Variants in DNAI7 observed in about 807,000 individuals in gnomAD.
DNAI7 encodes dynein axonemal intermediate chain 7.
DNAI7 carries 78 observed loss-of-function variants against 86.6 expected under a neutral mutation model. The observed-to-expected ratio is 0.90, with a 90% CI of 0.75 to 1.09. DNAI7 has a LOEUF of 1.09. Among genes scored for constraint, DNAI7 ranks in the 50% least tolerant of loss-of-function variants. The probability of loss-of-function intolerance (pLI) is 0.00; values close to 1 mark genes in which losing one functional copy is unlikely to be tolerated. For synonymous variants in DNAI7, 274 were observed against 273.0 expected (o/e 1.00, Z -0.04); for missense variants, 753 against 810.2 (o/e 0.93, Z 0.86).
downstream of DNAI7, chr12:25,107,710 G>A: frequency 9.4e-7 from 1 of 1,066,028 alleles, no homozygotes; most frequent in Non-Finnish European, 1.4e-6. Flanking sequence ...TTAAAAGGCA[G>A]TTTTGGGGGT....
chr12:25,150,553 G>A (rs1051511237), intron 6 of DNAI7, among the ~76,000 whole-genome samples: 17 of 138,330 alleles, frequency 1.2e-4, no homozygotes, highest in East Asian at 4.1e-4. Flanking sequence ...GCAGTGAGCC[G>A]AGATTGCACC....
chr12:25,173,098 T>C (rs1948315282), intron 2 of DNAI7, among the ~76,000 whole-genome samples: 1 of 151,914 alleles, frequency 6.6e-6, no homozygotes, highest in African/African-American at 2.4e-5. Flanking sequence ...CAAAGATAAA[T>C]AGCTGGGACC....
At chr12:25,110,746 C>T (rs957275829) in intron 14 of DNAI7, among the ~76,000 whole-genome samples, 15 of 152,166 alleles carry the variant, frequency 9.9e-5, no homozygotes, top group African/African-American at 3.1e-4. Context: ...CTCACTATTC[C>T]GGATCTACCT....
chr12:25,191,237 A>AC (rs1335513289), intron 1 of DNAI7, among the ~76,000 whole-genome samples: 6 of 152,044 alleles, frequency 3.9e-5, no homozygotes, highest in Admixed American at 3.9e-4. Context: ...ACACAGGAAG[A>AC]CCCCGTCTCT....
intron 1 of DNAI7, 71 bp downstream of exon 1, chr12:25,195,005 C>T (rs767725405): frequency 6.2e-7 from 1 of 1,614,192 alleles, no homozygotes. Context: ...CTCTTGATTA[C>T]ATTATTTAAC....
intron 2 of DNAI7, among the ~76,000 whole-genome samples, chr12:25,186,560 C>T (rs1462399701): frequency 1.3e-5 from 2 of 152,146 alleles, no homozygotes; most frequent in Non-Finnish European, 2.9e-5. Context: ...CTTCTAATGA[C>T]ACATTTCACC....
intron 7 of DNAI7, among the ~76,000 whole-genome samples, chr12:25,148,381 G>C (rs1434174070): frequency 1.3e-5 from 2 of 152,168 alleles, no homozygotes; most frequent in Non-Finnish European, 2.9e-5. Context: ...ATATGAACTT[G>C]ATCGCTTGCT....
At chr12:25,158,295 C>T (rs1301050662) in intron 4 of DNAI7, among the ~76,000 whole-genome samples, 177 bp downstream of exon 4, 1 of 151,896 alleles carries the variant, frequency 6.6e-6, no homozygotes, top group Non-Finnish European at 1.5e-5. Context: ...TTTCTCTATG[C>T]CTCAATTTCC....
chr12:25,128,856 C>A (rs1165364478), intron 9 of DNAI7, among the ~76,000 whole-genome samples: 1 of 152,172 alleles, frequency 6.6e-6, no homozygotes, highest in African/African-American at 2.4e-5. Flanking sequence ...GTTCTCCATA[C>A]AGTAGCCAGA....
chr12:25,175,168 C>T (rs1001415101), intron 2 of DNAI7, among the ~76,000 whole-genome samples: 8 of 151,916 alleles, frequency 5.3e-5, no homozygotes, highest in Admixed American at 3.3e-4. Flanking sequence ...TCCAGAATTC[C>T]CACAACTATT....
At chr12:25,140,405 C>A (rs904326471) in intron 9 of DNAI7, among the ~76,000 whole-genome samples, 17 of 151,948 alleles carry the variant, frequency 1.1e-4, no homozygotes, top group Non-Finnish European at 8.8e-5. Context: ...CCAACAGTGA[C>A]CAAGCTGAGA....
At chr12:25,175,537 G>C (rs1948866053) in intron 2 of DNAI7, among the ~76,000 whole-genome samples, 1 of 151,838 alleles carries the variant, frequency 6.6e-6, no homozygotes. Context: ...TAGTAGAGAT[G>C]AGGTTTTACC....
intron 9 of DNAI7, among the ~76,000 whole-genome samples, chr12:25,124,780 A>G (rs1941873269): frequency 6.6e-6 from 1 of 151,406 alleles, no homozygotes; most frequent in African/African-American, 2.4e-5. Context: ...CCCACCCTCT[A>G]CTCCTAAGTA....
At chr12:25,127,017 A>C (rs4963852) in intron 9 of DNAI7, among the ~76,000 whole-genome samples, 17,624 of 152,228 alleles carry the variant, frequency 0.12, 1,368 homozygotes, top group Admixed American at 0.16. Flanking sequence ...ACCACATCAT[A>C]AAGAGGATAT....
At chr12:25,162,855 C>T (rs11047870) in intron 2 of DNAI7, among the ~76,000 whole-genome samples, 45,171 of 152,104 alleles carry the variant, frequency 0.3, 7,391 homozygotes, top group Non-Finnish European at 0.36. Context: ...GCTAGCAATA[C>T]GAGCAGCTGA....
chr12:25,131,145 G>C (rs1336462535), intron 9 of DNAI7, among the ~76,000 whole-genome samples: 1 of 123,032 alleles, frequency 8.1e-6, no homozygotes, highest in Non-Finnish European at 1.6e-5. Context: ...AAATTGTGAG[G>C]TAAGCAGTTT....
At chr12:25,150,882 A>C (rs184196446) in intron 6 of DNAI7, among the ~76,000 whole-genome samples, 1 of 152,306 alleles carries the variant, frequency 6.6e-6, no homozygotes, top group Non-Finnish European at 1.5e-5. Context: ...AGAACTACTA[A>C]TATTTTTACT....
intron 2 of DNAI7, among the ~76,000 whole-genome samples, chr12:25,166,157 A>G (rs1199101896): frequency 6.6e-6 from 1 of 152,180 alleles, no homozygotes; most frequent in Non-Finnish European, 1.5e-5. Flanking sequence ...GGCATGCTTT[A>G]AAAGGATTAA....
downstream of DNAI7, chr12:25,107,126 C>G: frequency 3.0e-6 from 2 of 675,630 alleles, no homozygotes; most frequent in Non-Finnish European, 4.8e-6. Flanking sequence ...AGTATTAATC[C>G]TAATCAAATT....
Sources: gnomAD v4.1 joint callset for allele counts (sites outside exome capture counted in the v4.1 genomes callset) on GRCh38, gnomAD v4.1.1 for gene constraint, MANE v1.5 for transcripts, NCBI Gene and HGNC (gene_info 2026-07-23, HGNC 2026-07-21) for gene names.